Variants in CFAP61 observed in about 807,000 individuals in gnomAD.
CFAP61 encodes the protein cilia and flagella associated protein 61, also known as cilia- and flagella-associated protein 61.
Under a neutral mutation model 135.6 loss-of-function variants are expected in CFAP61, and 107 were observed. The observed-to-expected ratio is 0.79, with a 90% confidence interval of 0.67 to 0.93. The LOEUF is 0.93. Ranked by LOEUF, CFAP61 falls within the 40% of genes least tolerant of loss-of-function variation. The pLI, the probability that CFAP61 is intolerant of heterozygous loss-of-function variation, is 0.00. For synonymous variants in CFAP61, 575 were observed against 578.5 expected (o/e 0.99, Z 0.09); for missense variants, 1,507 against 1,556.2 (o/e 0.97, Z 0.53).
intron 15 of CFAP61, among the ~76,000 whole-genome samples, chr20:20,196,211 TCTTGTGCTGACTGG>T (rs1182435371): frequency 1.3e-5 from 2 of 152,216 alleles, no homozygotes; most frequent in African/African-American, 4.8e-5. Flanking sequence ...AGGCTCCGTC[TCTTGTGCTGACTGG>T]CTTGTGCTCA....
chr20:20,277,581 G>A, intron 22 of CFAP61, 123 bp downstream of exon 22: 9 of 1,078,872 alleles, frequency 8.3e-6, no homozygotes, highest in Non-Finnish European at 1.1e-5. Context: ...TTTGTTTTCT[G>A]TGTGTTCAGA....
chr20:20,345,986 C>G (rs2058617629), intron 26 of CFAP61, among the ~76,000 whole-genome samples: 1 of 139,668 alleles, frequency 7.2e-6, no homozygotes, highest in Non-Finnish European at 1.5e-5. Context: ...ACTGCAAGCT[C>G]CACTTCCCGG....
intron 17 of CFAP61, among the ~76,000 whole-genome samples, chr20:20,211,560 GA>G (rs2047641341): frequency 6.6e-6 from 1 of 152,188 alleles, no homozygotes; most frequent in African/African-American, 2.4e-5. Flanking sequence ...GAGCCATAAA[GA>G]TTTTTTTTAC....
Position 20,254,184 on chromosome 20 carries a change from C to T in CFAP61, c.2328+2421C>T, listed in dbSNP as rs112968237. On this transcript the variant is annotated intron_variant, in intron 20 of 26. Coordinates refer to ENST00000245957, the MANE Select transcript of CFAP61 (RefSeq NM_015585.4). Reference sequence around the variant, plus strand: ...CCCTCCCCTCCCCTCCCCTCCCCTCCTCTCCTCTCCTCTCCTCTCCTCTCA... The same window carrying T: ...CCCTCCCCTCCCCTCCCCTCCCCTCTTCTCCTCTCCTCTCCTCTCCTCTCA... Among the ~76,000 whole-genome samples, 479 of 80,758 alleles carry T rather than the reference C, an allele frequency of 5.9e-3. 18 individuals carry two copies. Among genetic ancestry groups the T allele is most frequent in the African/African-American group, 0.026 (461 of 17,910 alleles). 53.0% of individuals were successfully genotyped at this position (80,758 alleles called of 152,430 possible). A position where few individuals can be genotyped will look rare whatever the true frequency, so the allele number is the denominator to read the frequency against.
chr20:20,290,330 T>C lies in CFAP61; in HGVS notation c.3155T>C (p.Leu1052Pro). The change falls in exon 24 of 27, where the codon CTG (leucine) becomes CCG (proline). Residue 1052 changes from leucine to proline, a missense_variant. Transcript: ENST00000245957. The part of the protein sequence containing the change: ...GGILPGSYHY[L>P]HIAKPAIPTP... Reference sequence around the variant, plus strand: ...ATTCTTCCTGGGTCTTACCATTATCTGCATATTGCCAAGCCTGCCATTCCA... The same window carrying C: ...ATTCTTCCTGGGTCTTACCATTATCCGCATATTGCCAAGCCTGCCATTCCA... 1 of 1,613,474 alleles carries C rather than the reference T, an allele frequency of 6.2e-7. No individual in the cohort carries two copies. Among genetic ancestry groups the C allele is most frequent in the South Asian group, 1.1e-5 (1 of 91,062 alleles).
chr20:20,178,685 C>T (rs941967089), intron 13 of CFAP61, among the ~76,000 whole-genome samples: 4 of 152,080 alleles, frequency 2.6e-5, no homozygotes, highest in African/African-American at 9.7e-5. Context: ...TTCTCCCCCC[C>T]ACCATTTCTG....
At chr20:20,176,002 A>G (rs2054599477) in intron 13 of CFAP61, among the ~76,000 whole-genome samples, 1 of 152,148 alleles carries the variant, frequency 6.6e-6, no homozygotes. Context: ...ACTTAAACAA[A>G]TTTGCAAGAA....
chr20:20,255,349 G>A (rs1402332830), intron 20 of CFAP61, among the ~76,000 whole-genome samples: 1 of 152,200 alleles, frequency 6.6e-6, no homozygotes, highest in Non-Finnish European at 1.5e-5. Context: ...TGTACCAACT[G>A]AAATCAAATG....
chr20:20,262,895 T>TTA (rs1369902684), intron 20 of CFAP61, 61 bp from the exon 21 acceptor site: 4 of 1,077,104 alleles, frequency 3.7e-6, no homozygotes, highest in Admixed American at 5.3e-5. Flanking sequence ...TTTTTTTTTT[T>TTA]AACCACTGTC....
At chr20:20,188,161 C>A in intron 14 of CFAP61, 105 bp downstream of exon 14, 3 of 1,194,914 alleles carry the variant, frequency 2.5e-6, no homozygotes, top group Non-Finnish European at 3.6e-6. Context: ...AATCATATGG[C>A]AGGGGGCAGT....
Position 20,360,611 on chromosome 20 carries a change from C to G in CFAP61, c.*201C>G, listed in dbSNP as rs2059433967. 3 of 584,568 alleles carry G rather than the reference C, an allele frequency of 5.1e-6. No individual in the cohort carries two copies. The East Asian group carries it at 8.5e-5, about 17-fold the overall frequency. 36.2% of individuals were successfully genotyped at this position (584,568 alleles called of 1,614,324 possible). On this transcript the variant is annotated 3_prime_UTR_variant, in exon 27 of 27. Coordinates refer to ENST00000245957, the MANE Select transcript of CFAP61 (RefSeq NM_015585.4). ...TGGCACACGGCCGTGTGCCTCTCTT[C>G]TGGGGCAGGCTCGCTTTACAAATCC...
intron 2 of CFAP61, among the ~76,000 whole-genome samples, chr20:20,070,133 C>T (rs1196298339): frequency 3.3e-5 from 5 of 152,190 alleles, no homozygotes; most frequent in Admixed American, 6.5e-5. Flanking sequence ...GATAGTCCCT[C>T]TGAGACAACC....
intron 22 of CFAP61, among the ~76,000 whole-genome samples, chr20:20,281,205 C>T (rs567202384): frequency 2.0e-5 from 3 of 152,226 alleles, no homozygotes; most frequent in South Asian, 4.1e-4. Context: ...GGCAGTTTTA[C>T]TACTTCTTTT....
intron 8 of CFAP61, among the ~76,000 whole-genome samples, chr20:20,119,076 T>C (rs2049410867): frequency 6.6e-6 from 1 of 152,142 alleles, no homozygotes; most frequent in African/African-American, 2.4e-5. Context: ...TGGCCTGTAG[T>C]TTTCTTTTTT....
intron 22 of CFAP61, among the ~76,000 whole-genome samples, chr20:20,282,335 CCTT>C (rs1429540568): frequency 2.0e-5 from 3 of 151,980 alleles, no homozygotes; most frequent in Admixed American, 6.6e-5. Context: ...TTATTTTCTT[CCTT>C]CTTCTTGCTT....
intron 18 of CFAP61, among the ~76,000 whole-genome samples, chr20:20,233,185 C>T (rs1179314917): frequency 3.3e-5 from 5 of 152,216 alleles, no homozygotes; most frequent in Non-Finnish European, 5.9e-5. Context: ...GCCAGCCTAG[C>T]GCTGGCGGCT....
At chr20:20,176,585 C>T (rs1423778763) in intron 13 of CFAP61, among the ~76,000 whole-genome samples, 1 of 152,148 alleles carries the variant, frequency 6.6e-6, no homozygotes, top group Non-Finnish European at 1.5e-5. Context: ...AAGCCATTAT[C>T]CTCAGCAAAC....
chr20:20,166,536 T>C, intron 12 of CFAP61, 100 bp downstream of exon 12: 1 of 928,470 alleles, frequency 1.1e-6, no homozygotes, highest in Non-Finnish European at 1.7e-6. Context: ...TGTTGAGGTT[T>C]GTGTTCGGAG....
chr20:20,067,217 G>A (rs2045339727), intron 2 of CFAP61, among the ~76,000 whole-genome samples: 1 of 152,112 alleles, frequency 6.6e-6, no homozygotes, highest in Non-Finnish European at 1.5e-5. Context: ...GTATGTGTGT[G>A]TGTGTTAATA....
Sources: allele counts gnomAD v4.1 joint callset (sites outside exome capture counted in the v4.1 genomes callset), GRCh38; gene constraint gnomAD v4.1.1; transcripts MANE v1.5; gene names NCBI Gene and HGNC (gene_info 2026-07-23, HGNC 2026-07-21).